IGF1R: variants seen among roughly 807,000 people sequenced by gnomAD.
IGF1R encodes insulin like growth factor 1 receptor.
Under a neutral mutation model 144.6 loss-of-function variants are expected in IGF1R, and 44 were observed. The ratio of observed to expected loss-of-function variants is 0.30; its 90% CI spans 0.24 to 0.39. IGF1R has a LOEUF of 0.39. Ranked by LOEUF, IGF1R falls within the 10% of genes least tolerant of loss-of-function variation. The probability of loss-of-function intolerance (pLI) is 1.00; values close to 1 mark genes in which losing one functional copy is unlikely to be tolerated. For missense variants in IGF1R, 1,355 were observed against 1,833.7 expected, an observed-to-expected ratio of 0.74 and a Z score of 4.77; for synonymous variants, 795 against 722.8, an observed-to-expected ratio of 1.10 and a Z score of -1.60.
chr15:98,918,561 C>G (rs2015348925), intron 10 of IGF1R, among the ~76,000 whole-genome samples: 1 of 152,084 alleles, frequency 6.6e-6, no homozygotes, highest in African/African-American at 2.4e-5. Context: ...TGGCTTTTTT[C>G]TCCTCCCCTC....
In IGF1R at chr15:98,961,301, G is replaced by A. The variant is rs562620558; in HGVS notation, c.*3859G>A. The A allele has an allele frequency of 1.3e-5, 3 of 233,532 alleles. No homozygotes were observed. Among genetic ancestry groups the A allele is most frequent in the Admixed American group, 5.6e-5 (1 of 17,794 alleles). 14.5% of individuals were successfully genotyped at this position (233,532 alleles called of 1,614,324 possible). On this transcript the variant is annotated 3_prime_UTR_variant, in exon 21 of 21. Coordinates refer to ENST00000650285, the MANE Select transcript of IGF1R (RefSeq NM_000875.5). ...TATAAGGGTTTTGTTTAAACTGTCC[G>A]AGTTACTGATGTCATTTTGTTTTTG...
rs190116051 is a variant in IGF1R at position 98,940,763 on chromosome 15, G to T, written c.3457+1403G>T. On this transcript the variant is annotated intron_variant, in intron 18 of 20. Transcript: ENST00000650285. ...TCTTTTTACTCTGTAGGAGCTAGAG[G>T]TATTGAAATGGAACCATATCCCAGA... Among the ~76,000 whole-genome samples, 277 of 152,288 alleles carry T rather than the reference G, an allele frequency of 1.8e-3. 3 individuals are homozygous for T. Among genetic ancestry groups the T allele is most frequent in the African/African-American group, 5.8e-3 (240 of 41,564 alleles).
intron 2 of IGF1R, among the ~76,000 whole-genome samples, chr15:98,716,146 G>T (rs559116400): frequency 1.3e-5 from 2 of 152,294 alleles, no homozygotes; most frequent in East Asian, 3.9e-4. Context: ...TCACCTGTCT[G>T]CCCTGTACTT....
intron 2 of IGF1R, among the ~76,000 whole-genome samples, chr15:98,888,422 G>GAT (rs2013742845): frequency 8.9e-5 from 8 of 89,964 alleles, no homozygotes; most frequent in Admixed American, 6.6e-4. Context: ...GTGGGGGTTT[G>GAT]ATGAGAGAGA....
chr15:98,859,093 A>G (rs2011999182), intron 2 of IGF1R, among the ~76,000 whole-genome samples: 1 of 152,072 alleles, frequency 6.6e-6, no homozygotes, highest in Non-Finnish European at 1.5e-5. Flanking sequence ...AAAAAAAAAA[A>G]GTCCAAACTT....
intron 19 of IGF1R, among the ~76,000 whole-genome samples, chr15:98,943,288 C>T (rs1033412580): frequency 7.2e-5 from 11 of 152,202 alleles, no homozygotes; most frequent in Non-Finnish European, 1.0e-4. Context: ...ACATTCTTTC[C>T]GCCTTCAGCA....
intron 20 of IGF1R, among the ~76,000 whole-genome samples, chr15:98,951,739 G>A (rs2016782900): frequency 6.6e-6 from 1 of 152,182 alleles, no homozygotes; most frequent in African/African-American, 2.4e-5. Flanking sequence ...CACTGCCCAA[G>A]TGTCTCAGGA....
intron 2 of IGF1R, among the ~76,000 whole-genome samples, chr15:98,804,029 A>G (rs1017859299): frequency 6.6e-6 from 1 of 152,184 alleles, no homozygotes; most frequent in South Asian, 2.1e-4. Context: ...CACGGTTGCA[A>G]TGTCACTAGG....
intron 1 of IGF1R, among the ~76,000 whole-genome samples, chr15:98,701,915 A>G (rs112607627): frequency 2.6e-5 from 4 of 152,112 alleles, no homozygotes; most frequent in East Asian, 1.9e-4. Flanking sequence ...GCCAGCTTCT[A>G]TAGGGTAGGT....
chr15:98,696,226 A>C (rs906156461), intron 1 of IGF1R, among the ~76,000 whole-genome samples: 7 of 152,042 alleles, frequency 4.6e-5, no homozygotes, highest in Non-Finnish European at 1.0e-4. Context: ...TCTGTCATCC[A>C]GTGTATTTGC....
In IGF1R at chr15:98,838,290, A is replaced by T. The variant is rs565913574; in HGVS notation, c.641-53035A>T. Among the ~76,000 whole-genome samples, 19 of 152,340 alleles carry T rather than the reference A, an allele frequency of 1.2e-4. No individual in the cohort carries two copies. The South Asian group carries it at 2.3e-3, about 18-fold the overall frequency. ...CAGGGATGGTGGCCAAACTATGTTT[A>T]GAAAGATAAAAATTAAAATGACATC... is the stretch of plus-strand genomic sequence containing the variant. On this transcript the variant is annotated intron_variant, in intron 2 of 20. Coordinates refer to ENST00000650285, the MANE Select transcript of IGF1R (RefSeq NM_000875.5).
At chr15:98,956,413 CGGCTGGGGCTTGCTTGTGCAG>C (rs1385649365) in intron 20 of IGF1R, among the ~76,000 whole-genome samples, 1 of 152,246 alleles carries the variant, frequency 6.6e-6, no homozygotes, top group African/African-American at 2.4e-5. Context: ...CCTGGCTCAT[CGGCTGGGGCTTGCTTGTGCAG>C]GGCTGGAGCG....
intron 10 of IGF1R, among the ~76,000 whole-genome samples, chr15:98,918,373 G>A (rs1169605358): frequency 1.3e-5 from 2 of 152,150 alleles, no homozygotes; most frequent in African/African-American, 4.8e-5. Context: ...GCTTTCTTAG[G>A]CTGTAACAAC....
At chr15:98,940,407 C>T (rs1444576315) in intron 18 of IGF1R, among the ~76,000 whole-genome samples, 9 of 152,074 alleles carry the variant, frequency 5.9e-5, no homozygotes, top group East Asian at 1.9e-4. Flanking sequence ...TTTTAGAGAA[C>T]GGTTTCTTTT....
intron 1 of IGF1R, among the ~76,000 whole-genome samples, chr15:98,691,659 G>A (rs1021559414): frequency 2.6e-5 from 4 of 151,996 alleles, no homozygotes; most frequent in African/African-American, 4.8e-5. Context: ...CACCCTGCCC[G>A]GCCCATGGTT....
chr15:98,730,487 A>G (rs1201617189), intron 2 of IGF1R, among the ~76,000 whole-genome samples: 3 of 152,138 alleles, frequency 2.0e-5, no homozygotes, highest in African/African-American at 7.2e-5. Context: ...GGTCCTTTTC[A>G]CCCTGATTTT....
intron 2 of IGF1R, among the ~76,000 whole-genome samples, chr15:98,777,783 G>A (rs755941712): frequency 1.5e-4 from 23 of 152,198 alleles, no homozygotes; most frequent in Non-Finnish European, 2.8e-4. Flanking sequence ...GCACTCACTT[G>A]CCTGGTCATG....
At chr15:98,756,753 T>C (rs1389144082) in intron 2 of IGF1R, among the ~76,000 whole-genome samples, 2 of 152,228 alleles carry the variant, frequency 1.3e-5, no homozygotes, top group Non-Finnish European at 2.9e-5. Context: ...GGCTATACAT[T>C]TTCTTTGAAA....
chr15:98,925,094 G>A (rs1030530781), intron 13 of IGF1R, among the ~76,000 whole-genome samples: 6 of 152,032 alleles, frequency 3.9e-5, no homozygotes, highest in African/African-American at 1.5e-4. Context: ...CGGATTCAGG[G>A]CTTGAAATCC....
Sources: gnomAD v4.1 joint callset for allele counts (sites outside exome capture counted in the v4.1 genomes callset) on GRCh38, gnomAD v4.1.1 for gene constraint, MANE v1.5 for transcripts, NCBI Gene and HGNC (gene_info 2026-07-23, HGNC 2026-07-21) for gene names.